SLC9A9: variants seen among roughly 807,000 people sequenced by gnomAD.
The protein encoded by SLC9A9 is sodium/hydrogen exchanger 9.
SLC9A9 carries 62 observed loss-of-function variants against 77.8 expected under a neutral mutation model. That is an observed-to-expected ratio of 0.80 (90% confidence interval 0.65 to 0.98). The LOEUF (loss-of-function observed/expected upper bound fraction) is 0.98, where lower values mean the gene tolerates loss of function less well. Ranked by LOEUF, SLC9A9 falls within the 50% of genes least tolerant of loss-of-function variation. The pLI is 0.00. For missense variants in SLC9A9, 775 were observed against 774.9 expected, an observed-to-expected ratio of 1.00 and a Z score of 0.00; for synonymous variants, 320 against 283.5, an observed-to-expected ratio of 1.13 and a Z score of -1.29.
At chr3:143,356,067 C>A (rs1486578772) in intron 14 of SLC9A9, among the ~76,000 whole-genome samples, 2 of 152,186 alleles carry the variant, frequency 1.3e-5, no homozygotes, top group African/African-American at 2.4e-5. Flanking sequence ...GTGCAAAAAT[C>A]AGTTACCATC....
At chr3:143,822,963 A>G (rs78793742) in intron 2 of SLC9A9, among the ~76,000 whole-genome samples, 1,570 of 151,402 alleles carry the variant, frequency 0.01, 10 homozygotes, top group Non-Finnish European at 0.015. Flanking sequence ...GTAGTAAACA[A>G]CCATCACAGA....
At chr3:143,652,888 C>T (rs1159800403) in intron 5 of SLC9A9, among the ~76,000 whole-genome samples, 2 of 152,008 alleles carry the variant, frequency 1.3e-5, no homozygotes, top group Non-Finnish European at 2.9e-5. Context: ...CTTCAACTGC[C>T]TCAGCAGAGG....
chr3:143,698,759 T>A (rs145805101), intron 4 of SLC9A9, among the ~76,000 whole-genome samples: 127 of 152,280 alleles, frequency 8.3e-4, no homozygotes, highest in African/African-American at 2.9e-3. Flanking sequence ...AAAAGGCAGT[T>A]TTTTGAATTG....
intron 2 of SLC9A9, among the ~76,000 whole-genome samples, chr3:143,818,165 T>G (rs988321305): frequency 1.3e-5 from 2 of 152,220 alleles, no homozygotes; most frequent in Non-Finnish European, 2.9e-5. Flanking sequence ...AAGTTACCAT[T>G]TATGAAGTTA....
At chr3:143,443,575 T>A (rs934497298) in intron 12 of SLC9A9, among the ~76,000 whole-genome samples, 9 of 152,160 alleles carry the variant, frequency 5.9e-5, no homozygotes, top group African/African-American at 2.2e-4. Context: ...CATTTTTAAT[T>A]TGCCTGGTAT....
At chr3:143,345,695 T>TTCTCCAACA (rs2032248040) in intron 14 of SLC9A9, among the ~76,000 whole-genome samples, 1 of 152,274 alleles carries the variant, frequency 6.6e-6, no homozygotes, top group South Asian at 2.1e-4. Flanking sequence ...TCTCTGCAGG[T>TTCTCCAACA]GTGTAAATCT....
intron 9 of SLC9A9, among the ~76,000 whole-genome samples, chr3:143,548,488 G>C (rs1472335973): frequency 6.6e-6 from 1 of 152,138 alleles, no homozygotes; most frequent in Non-Finnish European, 1.5e-5. Flanking sequence ...AAGAGACAGG[G>C]CTTACAGTAT....
intron 6 of SLC9A9, among the ~76,000 whole-genome samples, chr3:143,641,136 T>A (rs1233050411): frequency 6.6e-6 from 1 of 151,992 alleles, no homozygotes; most frequent in African/African-American, 2.4e-5. Flanking sequence ...AAGTGAAAGA[T>A]GAAGGAGAGC....
At chr3:143,560,465 C>T (rs1559967987) in intron 8 of SLC9A9, among the ~76,000 whole-genome samples, 1 of 151,876 alleles carries the variant, frequency 6.6e-6, no homozygotes, top group Admixed American at 6.6e-5. Flanking sequence ...TTGCTAATTT[C>T]AAAAAATGTT....
intron 9 of SLC9A9, among the ~76,000 whole-genome samples, chr3:143,540,797 A>T (rs2036675896): frequency 6.6e-6 from 1 of 152,218 alleles, no homozygotes; most frequent in Non-Finnish European, 1.5e-5. Flanking sequence ...TGTAGATTTT[A>T]TGTGAACATT....
intron 9 of SLC9A9, among the ~76,000 whole-genome samples, chr3:143,549,890 C>A (rs924998683): frequency 6.6e-6 from 1 of 152,154 alleles, no homozygotes; most frequent in East Asian, 1.9e-4. Flanking sequence ...CCTTTAAGCC[C>A]TAGGGAAAGC....
In SLC9A9 at chr3:143,374,150, G is replaced by A. The variant is rs911831685; in HGVS notation, c.1524+7910C>T. Among the ~76,000 whole-genome samples the A allele has an allele frequency of 9.2e-5, 14 of 152,164 alleles. No individual in the cohort carries two copies. In the East Asian group the frequency reaches 1.2e-3, roughly 13 times the overall value. On this transcript the variant is annotated intron_variant, in intron 13 of 15. Coordinates refer to ENST00000316549, the MANE Select transcript of SLC9A9 (RefSeq NM_173653.4). Reference sequence around the variant, plus strand: ...AGAAAAAATGGAGGCCAGAGGCCGGGTGTGGTGGCTCACACCTCTAATCCC... The same window carrying A: ...AGAAAAAATGGAGGCCAGAGGCCGGATGTGGTGGCTCACACCTCTAATCCC...
At chr3:143,502,935 C>T (rs940637) in intron 9 of SLC9A9, among the ~76,000 whole-genome samples, 43,683 of 152,110 alleles carry the variant, frequency 0.29, 6,820 homozygotes, top group Non-Finnish European at 0.36. Context: ...TAAGTATATC[C>T]ATAGCTATTT....
At chr3:143,378,668 G>A (rs1377727418) in intron 13 of SLC9A9, among the ~76,000 whole-genome samples, 1 of 152,202 alleles carries the variant, frequency 6.6e-6, no homozygotes, top group Admixed American at 6.5e-5. Context: ...GTGCTTTCAA[G>A]TACAAGGAAT....
Position 143,588,702 on chromosome 3 carries a change from T to C in SLC9A9, c.756-9979A>G, listed in dbSNP as rs189839410. Among the ~76,000 whole-genome samples the C allele has an allele frequency of 2.2e-3, 341 of 152,360 alleles. 4 individuals are homozygous for C. The highest frequency in any genetic ancestry group is 0.011 in the Admixed American group (174 of 15,308). ...AGAAATATTCTCTTATACCTAATAT[T>C]GAGAGGAAAGTGAATTTGAGATAGT... On this transcript the variant is annotated intron_variant, in intron 6 of 15. Transcript: ENST00000316549.
intron 14 of SLC9A9, among the ~76,000 whole-genome samples, chr3:143,341,781 A>T (rs1388298218): frequency 6.6e-6 from 1 of 152,238 alleles, no homozygotes; most frequent in Non-Finnish European, 1.5e-5. Context: ...TAATATTATG[A>T]TAAGACCGTT....
chr3:143,568,882 T>C (rs1356169378), intron 8 of SLC9A9, among the ~76,000 whole-genome samples: 1 of 152,016 alleles, frequency 6.6e-6, no homozygotes, highest in East Asian at 1.9e-4. Flanking sequence ...GATGCACATA[T>C]ACAAACAATA....
rs2006781284 is a variant in SLC9A9, at chr3:143,752,816, T to C, written c.533+42185A>G. On this transcript the variant is annotated intron_variant, in intron 4 of 15. Coordinates refer to ENST00000316549, the MANE Select transcript of SLC9A9 (RefSeq NM_173653.4). ...TGGGAGATAAGCTTTGCTCCCATAA[T>C]CTGCTTCCAATGGATATGGAAAAGA... 2.0e-5 allele frequency among the ~76,000 whole-genome samples: 3 copies of C among 152,082 alleles called. No homozygotes were observed. In the South Asian group the frequency reaches 6.2e-4, roughly 31 times the overall value.
intron 4 of SLC9A9, among the ~76,000 whole-genome samples, chr3:143,711,310 G>T (rs1161374920): frequency 6.6e-6 from 1 of 151,976 alleles, no homozygotes; most frequent in East Asian, 1.9e-4. Context: ...CTTTTTATAG[G>T]CTTCTCTTAT....
Sources: allele counts gnomAD v4.1 joint callset (sites outside exome capture counted in the v4.1 genomes callset), GRCh38; gene constraint gnomAD v4.1.1; transcripts MANE v1.5; gene names NCBI Gene and HGNC (gene_info 2026-07-23, HGNC 2026-07-21).